Variants in CSN2 observed in about 807,000 individuals in gnomAD.
The protein encoded by CSN2 is beta-casein.
A neutral mutation model predicts 27.3 loss-of-function variants in CSN2; 27 were observed. That is an observed-to-expected ratio of 0.99 (90% confidence interval 0.73 to 1.36). The LOEUF (loss-of-function observed/expected upper bound fraction) is 1.36. Ranked by LOEUF, CSN2 falls within the 40% of genes most tolerant of loss-of-function variation. The pLI, the probability that CSN2 is intolerant of heterozygous loss-of-function variation, is 0.00. For missense variants in CSN2, 333 were observed against 264.5 expected (o/e 1.26, Z -1.80); for synonymous variants, 131 against 94.8 (o/e 1.38, Z -2.22).
intron 1 of CSN2, among the ~76,000 whole-genome samples, chr4:69,962,607 T>C (rs571878752): frequency 1.0e-3 from 156 of 152,228 alleles, no homozygotes; most frequent in African/African-American, 3.7e-3. Context: ...AAGACTTACA[T>C]GTCAGACCTA....
chr4:69,956,891 T>C (rs1051230010), intron 6 of CSN2, among the ~76,000 whole-genome samples: 1 of 152,120 alleles, frequency 6.6e-6, no homozygotes, highest in Admixed American at 6.6e-5. Flanking sequence ...CATTGGGATT[T>C]GTGGGGAAAA....
In CSN2 at chr4:69,959,071, T is replaced by G; in HGVS notation, c.79-2A>C. 2 of 1,348,472 alleles carry G rather than the reference T, an allele frequency of 1.5e-6. No individual in the cohort carries two copies. The allele number at this position is 1,348,472 out of a possible 1,614,324, so 83.5% of individuals were successfully genotyped here. A position where few individuals can be genotyped will look rare whatever the true frequency, so the allele number is the denominator to read the frequency against. On this transcript the variant is annotated splice_acceptor_variant, in intron 3 of 7. Coordinates refer to ENST00000353151, the MANE Select transcript of CSN2 (RefSeq NM_001891.4). LOFTEE classifies it high-confidence loss of function. ...TACCTTGTATTCTGTAATAGATTCC[T>G]ACAGAAAAATATAAAATAAAATTAG... is the stretch of plus-strand genomic sequence containing the variant.
intron 1 of CSN2, among the ~76,000 whole-genome samples, chr4:69,961,891 G>C (rs906891281): frequency 4.6e-5 from 7 of 152,016 alleles, no homozygotes; most frequent in African/African-American, 1.4e-4. Flanking sequence ...AAAGTCTCAG[G>C]ATACAAAATC....
At chr4:69,959,767 G>T (rs1723512310) in intron 3 of CSN2, among the ~76,000 whole-genome samples, 1 of 151,664 alleles carries the variant, frequency 6.6e-6, no homozygotes, top group Admixed American at 6.6e-5. Context: ...TGCTTAAGGT[G>T]AATAAGTTCA....
At chr4:69,962,936 A>C (rs951007047) in intron 1 of CSN2, among the ~76,000 whole-genome samples, 3 of 152,144 alleles carry the variant, frequency 2.0e-5, no homozygotes, top group Non-Finnish European at 4.4e-5. Flanking sequence ...GATATGAACA[A>C]ACACTTCTCA....
intron 1 of CSN2, among the ~76,000 whole-genome samples, chr4:69,962,555 C>A (rs181305411): frequency 6.5e-4 from 99 of 152,248 alleles, no homozygotes; most frequent in African/African-American, 2.3e-3. Flanking sequence ...AAACCGGGTC[C>A]CTTCCTTACA....
chr4:69,960,855 A>G (rs1236148985), intron 2 of CSN2, 90 bp downstream of exon 2: 1 of 987,260 alleles, frequency 1.0e-6, no homozygotes, highest in Non-Finnish European at 1.6e-6. Context: ...TTATTTATAC[A>G]GTAAAAAATG....
chr4:69,957,940 G>T, intron 5 of CSN2, 136 bp from the exon 6 acceptor site: 1 of 889,644 alleles, frequency 1.1e-6, no homozygotes. Flanking sequence ...TTTTGGTTAA[G>T]AAAGTATCTT....
intron 3 of CSN2, 80 bp from the exon 4 acceptor site, chr4:69,959,149 T>G: frequency 1.0e-6 from 1 of 972,266 alleles, no homozygotes. Flanking sequence ...ATAAAGGCAT[T>G]AATTCTTTGA....
intron 5 of CSN2, 43 bp downstream of exon 5, chr4:69,958,866 C>T: frequency 7.9e-7 from 1 of 1,261,660 alleles, no homozygotes; most frequent in African/African-American, 1.5e-5. Flanking sequence ...ATGTATTATA[C>T]TTTATAATAA....
intron 4 of CSN2, 40 bp from the exon 5 acceptor site, chr4:69,958,993 A>G: frequency 6.4e-7 from 1 of 1,556,126 alleles, no homozygotes; most frequent in Non-Finnish European, 8.8e-7. Flanking sequence ...TACCATCTGT[A>G]AAGATTAAAA....
chr4:69,958,804 T>C, intron 5 of CSN2, 105 bp downstream of exon 5: 1 of 753,516 alleles, frequency 1.3e-6, no homozygotes, highest in Non-Finnish European at 2.1e-6. Context: ...TATATGGCAT[T>C]TATTTTATTA....
chr4:69,961,580 T>C (rs1723586049), intron 1 of CSN2, among the ~76,000 whole-genome samples: 1 of 152,132 alleles, frequency 6.6e-6, no homozygotes, highest in Non-Finnish European at 1.5e-5. Flanking sequence ...ATGGGACATA[T>C]CTCAAAATAA....
chr4:69,955,946 G>A (rs907334254), intron 7 of CSN2, among the ~76,000 whole-genome samples: 1 of 151,966 alleles, frequency 6.6e-6, no homozygotes, highest in African/African-American at 2.4e-5. Context: ...TTTTATGAAG[G>A]CTAGGTTAGA....
chr4:69,956,406 T>A, intron 6 of CSN2, 51 bp from the exon 7 acceptor site: 1 of 1,300,098 alleles, frequency 7.7e-7, no homozygotes, highest in Non-Finnish European at 1.0e-6. Context: ...GTAAGAAAAC[T>A]TGCCTTAAGA....
chr4:69,957,444 A>G lies in CSN2; in HGVS notation c.505T>C (p.Trp169Arg), dbSNP rs1244802299. ...QTLALPPQPL[W>R]SVPQPKVLPI... is the part of the protein sequence containing the mutation. Reference sequence around the variant, plus strand: ...AGGACTTTGGGCTGAGGAACAGACCACAGGGGCTGAGGGGGAAGTGCAAGA... The same window carrying G: ...AGGACTTTGGGCTGAGGAACAGACCGCAGGGGCTGAGGGGGAAGTGCAAGA... Residue 169 changes from tryptophan to arginine, a missense_variant, in exon 6 of 8, where the codon TGG (tryptophan) becomes CGG (arginine). By Grantham distance (101) the Trp-to-Arg change is moderately radical. Coordinates refer to ENST00000353151, the MANE Select transcript of CSN2 (RefSeq NM_001891.4). The G allele has an allele frequency of 6.8e-6, 11 of 1,613,720 alleles. No individual in the cohort carries two copies. The East Asian group carries it at 2.2e-4, about 33-fold the overall frequency.
At chr4:69,958,785 G>C in intron 5 of CSN2, 124 bp downstream of exon 5, 1 of 587,808 alleles carries the variant, frequency 1.7e-6, no homozygotes, top group Non-Finnish European at 2.8e-6. Context: ...TTTTAAAGTG[G>C]TTGGTGGGTA....
rs767954263 is a variant in CSN2, at chr4:69,957,410, G to A, written c.539C>T (p.Pro180Leu). Reference sequence around the variant, plus strand: ...CTGAGGGTAGGGCACCACTTGCTGGGGGATAGGCAGGACTTTGGGCTGAGG... The same window carrying A: ...CTGAGGGTAGGGCACCACTTGCTGGAGGATAGGCAGGACTTTGGGCTGAGG... ...SVPQPKVLPIPQQVVPYPQRA... is the reference protein window; with the variant it reads ...SVPQPKVLPILQQVVPYPQRA... Residue 180 changes from proline (P) to leucine (L), a missense_variant, in exon 6 of 8, where the codon CCC (proline) becomes CTC (leucine). Physicochemically the swap from Pro to Leu is moderately conservative, Grantham distance 98. Coordinates refer to ENST00000353151, the MANE Select transcript of CSN2 (RefSeq NM_001891.4). 1.9e-6 allele frequency: 3 copies of A among 1,613,618 alleles called. No homozygotes were observed. Among genetic ancestry groups the A allele is most frequent in the Admixed American group, 1.7e-5 (1 of 59,852 alleles).
In CSN2 at chr4:69,957,340, T is replaced by C. The variant is rs372638244; in HGVS notation, c.609A>G (p.Leu203=). The C allele has an allele frequency of 1.6e-5, 26 of 1,594,842 alleles. No individual in the cohort carries two copies. The highest frequency in any genetic ancestry group is 5.1e-5 in the Admixed American group (3 of 58,544). ...VQALLLNQEL[L]LNPTHQIYPV... is the part of the protein sequence containing the mutation. ...GGTAGATCTGGTGGGTGGGGTTAAG[T>C]AGAAGTTCTTGGTTGAGCAGAAGGG... is the stretch of plus-strand genomic sequence containing the variant. Residue 203 remains leucine, a synonymous_variant, in exon 6 of 8, where the codon CTA becomes CTG. Coordinates refer to ENST00000353151, the MANE Select transcript of CSN2 (RefSeq NM_001891.4).
Sources: gnomAD v4.1 joint callset for allele counts (sites outside exome capture counted in the v4.1 genomes callset) on GRCh38, gnomAD v4.1.1 for gene constraint, MANE v1.5 for transcripts, NCBI Gene and HGNC (gene_info 2026-07-23, HGNC 2026-07-21) for gene names.